Variants in DENND4C observed in about 807,000 individuals in gnomAD.
DENND4C encodes the protein DENN domain-containing protein 4C.
A neutral mutation model predicts 203.0 loss-of-function variants in DENND4C; 108 were observed. The ratio of observed to expected loss-of-function variants is 0.53; its 90% CI spans 0.46 to 0.62. The LOEUF is 0.62. DENND4C is among the 20% of genes least tolerant of loss of function. The pLI is 0.00. For missense variants in DENND4C, 2,481 were observed against 2,301.2 expected (o/e 1.08, Z -1.60); for synonymous variants, 871 against 792.4 (o/e 1.10, Z -1.67).
chr9:19,335,196 G>A (rs150658733), intron 18 of DENND4C, 91 bp downstream of exon 18: 11,014 of 824,088 alleles, frequency 0.013, 152 homozygotes, highest in East Asian at 0.019. Flanking sequence ...CCTATTAAAG[G>A]AAGTTTTGGG....
intron 15 of DENND4C, among the ~76,000 whole-genome samples, chr9:19,326,678 C>T (rs1817902821): frequency 6.6e-6 from 1 of 151,886 alleles, no homozygotes; most frequent in Non-Finnish European, 1.5e-5. Context: ...AAAATCAAAC[C>T]AAAATGGAAA....
chr9:19,342,600 T>A, intron 21 of DENND4C, 33 bp from the exon 22 acceptor site: 1 of 1,560,604 alleles, frequency 6.4e-7, no homozygotes, highest in Non-Finnish European at 8.6e-7. Context: ...TTGGCAAAAG[T>A]AGGAATGATA....
chr9:19,304,058 A>G (rs1485503035), intron 9 of DENND4C, among the ~76,000 whole-genome samples: 1 of 151,418 alleles, frequency 6.6e-6, no homozygotes, highest in Non-Finnish European at 1.5e-5. Flanking sequence ...TAAAAAAAAA[A>G]AAAACCCACA....
At chr9:19,319,181 G>GTA (rs1563798533) in intron 12 of DENND4C, among the ~76,000 whole-genome samples, 3 of 142,376 alleles carry the variant, frequency 2.1e-5, no homozygotes, top group African/African-American at 5.2e-5. Flanking sequence ...AAAAATATAT[G>GTA]TATATATATA....
At chr9:19,357,918 C>T (rs371686288) in intron 27 of DENND4C, 47 bp from the exon 28 acceptor site, 4 of 1,437,282 alleles carry the variant, frequency 2.8e-6, no homozygotes. Flanking sequence ...CAGATTTAGA[C>T]TGTTTTTCAA....
intron 5 of DENND4C, among the ~76,000 whole-genome samples, chr9:19,293,481 T>A (rs761401629): frequency 6.6e-6 from 1 of 152,136 alleles, no homozygotes; most frequent in Non-Finnish European, 1.5e-5. Flanking sequence ...TTTGAAATAA[T>A]TGTATCTGGG....
At chr9:19,294,564 C>T (rs1395478762) in intron 5 of DENND4C, among the ~76,000 whole-genome samples, 1 of 152,136 alleles carries the variant, frequency 6.6e-6, no homozygotes, top group Non-Finnish European at 1.5e-5. Flanking sequence ...AAAGCAGAGA[C>T]TCAAACAGAT....
chr9:19,336,447 C>T, intron 19 of DENND4C, 33 bp downstream of exon 19: 1 of 1,594,464 alleles, frequency 6.3e-7, no homozygotes, highest in Non-Finnish European at 8.5e-7. Flanking sequence ...TAATTCCTTA[C>T]TGAACCATGA....
At chr9:19,261,426 A>C (rs1354743933) in intron 1 of DENND4C, among the ~76,000 whole-genome samples, 1 of 147,544 alleles carries the variant, frequency 6.8e-6, no homozygotes, top group Non-Finnish European at 1.5e-5. Context: ...GATTGCATTT[A>C]ATCTGTAGAT....
intron 10 of DENND4C, among the ~76,000 whole-genome samples, chr9:19,308,342 G>A (rs1840086002): frequency 6.6e-6 from 1 of 152,086 alleles, no homozygotes; most frequent in Non-Finnish European, 1.5e-5. Flanking sequence ...CAACACTTGT[G>A]GTGACTTTTA....
chr9:19,281,395 C>A (rs866461204), intron 2 of DENND4C, among the ~76,000 whole-genome samples: 2 of 152,168 alleles, frequency 1.3e-5, no homozygotes, highest in East Asian at 1.9e-4. Context: ...ACTTTCCCCC[C>A]ACTCTTTCCT....
chr9:19,284,656 TG>T (rs1425820034), intron 2 of DENND4C, among the ~76,000 whole-genome samples: 6 of 152,146 alleles, frequency 3.9e-5, no homozygotes, highest in Non-Finnish European at 7.4e-5. Flanking sequence ...AGATTAATGG[TG>T]TATCAGAGTA....
At chr9:19,359,011 TC>T (rs1443677110) in intron 28 of DENND4C, among the ~76,000 whole-genome samples, 1 of 151,902 alleles carries the variant, frequency 6.6e-6, no homozygotes, top group Non-Finnish European at 1.5e-5. Context: ...ATGGTCTCAT[TC>T]TGTCATTTCT....
At chr9:19,337,343 G>T (rs1314910641) in intron 20 of DENND4C, among the ~76,000 whole-genome samples, 3 of 152,320 alleles carry the variant, frequency 2.0e-5, no homozygotes, top group African/African-American at 7.2e-5. Context: ...TTAGAAATAA[G>T]TGTAACTAAA....
intron 1 of DENND4C, among the ~76,000 whole-genome samples, chr9:19,266,921 G>C (rs2130763134): frequency 6.6e-6 from 1 of 152,288 alleles, no homozygotes; most frequent in South Asian, 2.1e-4. Context: ...GTATGGGCAA[G>C]GACTTCATGA....
intron 12 of DENND4C, among the ~76,000 whole-genome samples, chr9:19,320,160 T>G (rs1842637483): frequency 6.6e-6 from 1 of 152,148 alleles, no homozygotes; most frequent in African/African-American, 2.4e-5. Flanking sequence ...TAGTCAGATT[T>G]TTAAAATCAT....
chr9:19,233,916 G>T (rs1469195234), intron 1 of DENND4C, among the ~76,000 whole-genome samples: 2 of 152,066 alleles, frequency 1.3e-5, no homozygotes. Flanking sequence ...AATGTAACAT[G>T]ATTAAAAGAA....
At position 19,322,951 on chromosome 9, in the gene DENND4C, A is replaced by T. The variant is rs562243846; in HGVS notation, c.1808-1411A>T. On this transcript the variant is annotated intron_variant, in intron 12 of 32. Transcript: ENST00000434457. ...GAATGCTGGCAAGGAAAGTCAAGGG[A>T]CTGTGACTGTGTGTTGAAGTTGGTG... 5.3e-5 allele frequency among the ~76,000 whole-genome samples: 8 copies of T among 152,228 alleles called. No individual in the cohort carries two copies. In the East Asian group the frequency reaches 1.4e-3, roughly 26 times the overall value.
At chr9:19,338,030 T>C (rs1184828887) in intron 20 of DENND4C, among the ~76,000 whole-genome samples, 3 of 152,226 alleles carry the variant, frequency 2.0e-5, no homozygotes, top group Non-Finnish European at 2.9e-5. Flanking sequence ...TGCTGAATTC[T>C]TGTGCTAAAA....
Sources: gnomAD v4.1 joint callset for allele counts (sites outside exome capture counted in the v4.1 genomes callset) on GRCh38, gnomAD v4.1.1 for gene constraint, MANE v1.5 for transcripts, NCBI Gene and HGNC (gene_info 2026-07-23, HGNC 2026-07-21) for gene names.